The following FRMD4A variants were observed in gnomAD, a reference collection of about 807,000 sequenced individuals.
FRMD4A encodes the protein FERM domain containing 4A.
A neutral mutation model predicts 129.1 loss-of-function variants in FRMD4A; 29 were observed. The ratio of observed to expected loss-of-function variants is 0.22; its 90% CI spans 0.17 to 0.31. The LOEUF is 0.31. Among genes scored for constraint, FRMD4A ranks in the 10% least tolerant of loss-of-function variants. FRMD4A has a pLI of 1.00. For synonymous variants in FRMD4A, 634 were observed against 571.6 expected (o/e 1.11, Z -1.56); for missense variants, 1,272 against 1,375.8 (o/e 0.92, Z 1.19).
intron 12 of FRMD4A, among the ~76,000 whole-genome samples, chr10:13,723,797 A>G (rs2089662518): frequency 6.6e-6 from 1 of 152,210 alleles, no homozygotes; most frequent in Admixed American, 6.5e-5. Flanking sequence ...CAACCTGGAA[A>G]GAGAGGGTTC....
chr10:13,732,627 G>A (rs985717648), intron 12 of FRMD4A, among the ~76,000 whole-genome samples: 2 of 152,252 alleles, frequency 1.3e-5, no homozygotes, highest in East Asian at 1.9e-4. Flanking sequence ...AGATGCAGCT[G>A]TTACTGCAGA....
intron 2 of FRMD4A, among the ~76,000 whole-genome samples, chr10:14,142,663 G>A (rs2131843944): frequency 6.6e-6 from 1 of 152,318 alleles, no homozygotes; most frequent in South Asian, 2.1e-4. Flanking sequence ...TTATAGATGA[G>A]GGAAACTGAG....
chr10:14,268,707 G>A (rs1014618839), intron 2 of FRMD4A, among the ~76,000 whole-genome samples: 6 of 152,202 alleles, frequency 3.9e-5, no homozygotes, highest in African/African-American at 1.4e-4. Flanking sequence ...GAAGCTTGGG[G>A]ACTCTTTATC....
chr10:13,685,800 C>T (rs1354789792), intron 15 of FRMD4A: 1 of 175,820 alleles, frequency 5.7e-6, no homozygotes, highest in African/African-American at 2.4e-5. Context: ...GAGACCCTGT[C>T]TCAAAAAAAA....
Position 14,078,835 on chromosome 10 carries a change from G to A in FRMD4A, c.46-219923C>T, listed in dbSNP as rs75633748. Among the ~76,000 whole-genome samples the A allele has an allele frequency of 3.6e-3, 554 of 152,284 alleles. 5 individuals carry two copies. Among genetic ancestry groups the A allele is most frequent in the African/African-American group, 0.013 (528 of 41,568 alleles). Reference sequence around the variant, plus strand: ...CTGCCCTGGGCTGCCTTGTGGCACCGTCCCTTTCTGTGGAGACTGGTACAT... The same window carrying A: ...CTGCCCTGGGCTGCCTTGTGGCACCATCCCTTTCTGTGGAGACTGGTACAT... On this transcript the variant is annotated intron_variant, in intron 2 of 24. Transcript: ENST00000357447.
At position 14,313,202 on chromosome 10, in the gene FRMD4A, A is replaced by T. The variant is rs200948549; in HGVS notation, c.45+16856T>A. Among the ~76,000 whole-genome samples, 110 of 66,316 alleles carry T rather than the reference A, an allele frequency of 1.7e-3. 1 individual carries two copies. The highest frequency in any genetic ancestry group is 2.3e-3 in the Non-Finnish European group (66 of 29,180). 43.5% of individuals were successfully genotyped at this position (66,316 alleles called of 152,430 possible). A position where few individuals can be genotyped will look rare whatever the true frequency, so the allele number is the denominator to read the frequency against. On this transcript the variant is annotated intron_variant, in intron 2 of 24. Coordinates refer to ENST00000357447, the MANE Select transcript of FRMD4A (RefSeq NM_018027.5). Reference sequence around the variant, plus strand: ...ACCTCATTTCTACCAAAAAAAAAAAATTTTTTTTTAATTAACCAGGTGTGG... The same window carrying T: ...ACCTCATTTCTACCAAAAAAAAAAATTTTTTTTTTAATTAACCAGGTGTGG...
chr10:14,068,999 T>C (rs1323421994), intron 2 of FRMD4A, among the ~76,000 whole-genome samples: 1 of 152,006 alleles, frequency 6.6e-6, no homozygotes. Flanking sequence ...ATCATTTTTG[T>C]TTTCTGTCCT....
chr10:14,085,362 C>T (rs577921130), intron 2 of FRMD4A, among the ~76,000 whole-genome samples: 4 of 152,120 alleles, frequency 2.6e-5, no homozygotes, highest in African/African-American at 9.7e-5. Flanking sequence ...TTCCACGAGC[C>T]GATGGATGTA....
Position 13,920,273 on chromosome 10 carries a change from T to C in FRMD4A, c.46-61361A>G, listed in dbSNP as rs144137793. 2.5e-3 allele frequency among the ~76,000 whole-genome samples: 376 copies of C among 152,344 alleles called. 3 individuals carry two copies. Among genetic ancestry groups the C allele is most frequent in the African/African-American group, 8.5e-3 (352 of 41,572 alleles). ...ATTTTTTTTGGCAGAAGCAGAACTT[T>C]GGAGCTACTGACTCAATGCTATCCT... is the stretch of plus-strand genomic sequence containing the variant. On this transcript the variant is annotated intron_variant, in intron 2 of 24. Transcript: ENST00000357447.
At chr10:14,016,483 C>T (rs2095699524) in intron 2 of FRMD4A, among the ~76,000 whole-genome samples, 1 of 152,240 alleles carries the variant, frequency 6.6e-6, no homozygotes, top group Non-Finnish European at 1.5e-5. Flanking sequence ...TAGCCATCTG[C>T]CTCTTCCTGT....
intron 2 of FRMD4A, among the ~76,000 whole-genome samples, chr10:13,959,067 G>A (rs1430732141): frequency 6.6e-6 from 1 of 152,198 alleles, no homozygotes; most frequent in Non-Finnish European, 1.5e-5. Flanking sequence ...TTATTGGACA[G>A]CCTTGGCTGG....
intron 2 of FRMD4A, among the ~76,000 whole-genome samples, chr10:13,917,860 C>G (rs1415688441): frequency 6.6e-6 from 1 of 152,232 alleles, no homozygotes. Context: ...GCCCTTTGAT[C>G]AGTTTCTGCT....
In FRMD4A at chr10:13,810,336, G is replaced by T. The variant is rs569228489; in HGVS notation, c.206+478C>A. 3.4e-4 allele frequency among the ~76,000 whole-genome samples: 51 copies of T among 152,232 alleles called. No homozygotes were observed. In the South Asian group the frequency reaches 1.0e-2, roughly 30 times the overall value. On this transcript the variant is annotated intron_variant, in intron 4 of 24. Transcript: ENST00000357447. ...TTGAAAGCAAATATTCTTCTCATCA[G>T]ATCAGTGATCTGAATTTTTTATTTT... is the stretch of plus-strand genomic sequence containing the variant.
chr10:14,222,724 T>G (rs1340568240), intron 2 of FRMD4A, among the ~76,000 whole-genome samples: 1 of 152,026 alleles, frequency 6.6e-6, no homozygotes, highest in East Asian at 1.9e-4. Flanking sequence ...GAGTGAAATC[T>G]CCTTGGAAAA....
intron 2 of FRMD4A, among the ~76,000 whole-genome samples, chr10:14,135,432 T>C (rs139311716): frequency 2.0e-3 from 299 of 152,356 alleles, no homozygotes; most frequent in African/African-American, 6.8e-3. Flanking sequence ...CCAGTTTCTG[T>C]ACATCATTTC....
In FRMD4A at chr10:14,242,614, T is replaced by C. The variant is rs7090303; in HGVS notation, c.45+87444A>G. Among the ~76,000 whole-genome samples, 414 of 152,288 alleles carry C rather than the reference T, an allele frequency of 2.7e-3. 1 individual carries two copies. Among genetic ancestry groups the C allele is most frequent in the African/African-American group, 9.0e-3 (374 of 41,562 alleles). Reference sequence around the variant, plus strand: ...CTAGTGCATGACCTCTGAACAAAATTACAAAGTAAAACAAGGATAAGGAGG... The same window carrying C: ...CTAGTGCATGACCTCTGAACAAAATCACAAAGTAAAACAAGGATAAGGAGG... On this transcript the variant is annotated intron_variant, in intron 2 of 24. Coordinates refer to ENST00000357447, the MANE Select transcript of FRMD4A (RefSeq NM_018027.5).
intron 2 of FRMD4A, among the ~76,000 whole-genome samples, chr10:14,023,212 C>T (rs1385192246): frequency 1.3e-5 from 2 of 152,158 alleles, no homozygotes; most frequent in Admixed American, 1.3e-4. Flanking sequence ...ACTTCCAACA[C>T]GAAGGTCAGA....
chr10:14,177,448 T>C (rs368588727), intron 2 of FRMD4A, among the ~76,000 whole-genome samples: 16 of 152,242 alleles, frequency 1.1e-4, no homozygotes, highest in Middle Eastern at 3.4e-3. Context: ...GCTGGGATTA[T>C]AGGTGTCAGC....
intron 15 of FRMD4A, among the ~76,000 whole-genome samples, chr10:13,681,943 G>C (rs2084630294): frequency 6.6e-6 from 1 of 152,178 alleles, no homozygotes; most frequent in Admixed American, 6.5e-5. Flanking sequence ...AGTGAGGCTG[G>C]GGTGGTGTCT....
Sources: gnomAD v4.1 joint callset for allele counts (sites outside exome capture counted in the v4.1 genomes callset) on GRCh38, gnomAD v4.1.1 for gene constraint, MANE v1.5 for transcripts, NCBI Gene and HGNC (gene_info 2026-07-23, HGNC 2026-07-21) for gene names.